The following AKR1E2 variants were observed in gnomAD, a reference collection of about 807,000 sequenced individuals.
AKR1E2 encodes 1,5-anhydro-D-fructose reductase.
Under a neutral mutation model 41.9 loss-of-function variants are expected in AKR1E2, and 43 were observed. That is an observed-to-expected ratio of 1.03 (90% confidence interval 0.80 to 1.32). AKR1E2 has a LOEUF of 1.32. Ranked by LOEUF, AKR1E2 falls within the 40% of genes most tolerant of loss-of-function variation. The probability of loss-of-function intolerance (pLI) is 0.00; values close to 1 mark genes in which losing one functional copy is unlikely to be tolerated. For missense variants in AKR1E2, 423 were observed against 396.5 expected (o/e 1.07, Z -0.57); for synonymous variants, 121 against 138.9 (o/e 0.87, Z 0.91).
At chr10:4,839,892 C>T in intron 6 of AKR1E2, 66 bp downstream of exon 6, 2 of 1,437,764 alleles carry the variant, frequency 1.4e-6, no homozygotes, top group Non-Finnish European at 9.8e-7. Flanking sequence ...CTTCTCATTT[C>T]CTTGGGATGA....
rs753885055 is a variant in AKR1E2, at chr10:4,839,747, C to A, written c.601C>A (p.Leu201Ile). The stretch of plus-strand genomic sequence containing the variant: ...GTTATAGATTGAGTGCCACCCATAT[C>A]TTACTCAGAAGAATCTGATCAGTTT... Reference protein sequence around the residue: ...LTNQIECHPYLTQKNLISFCQ... With the variant: ...LTNQIECHPYITQKNLISFCQ... The change falls in exon 6 of 10, where the codon CTT (leucine) becomes ATT (isoleucine). Residue 201 changes from leucine (L) to isoleucine (I), a missense_variant. Leu to Ile is a conservative substitution (Grantham distance 5). Transcript: ENST00000298375. The A allele has an allele frequency of 6.2e-7, 1 of 1,614,000 alleles. No homozygotes were observed. The highest frequency in any genetic ancestry group is 1.1e-5 in the South Asian group (1 of 91,064).
At chr10:4,831,129 T>A (rs1417347714) in intron 2 of AKR1E2, among the ~76,000 whole-genome samples, 2 of 152,228 alleles carry the variant, frequency 1.3e-5, no homozygotes, top group African/African-American at 4.8e-5. Context: ...TAGGACAAAG[T>A]CCTAGCCCTC....
At chr10:4,826,173 G>A (rs1176514930), upstream of AKR1E2, 10 of 543,686 alleles carry the variant, frequency 1.8e-5, no homozygotes, top group African/African-American at 1.9e-4. Context: ...GAAGCCCTGC[G>A]TTCATGCTTC....
the AKR1E2 span, among the ~76,000 whole-genome samples, chr10:4,856,915 T>TGAA: frequency 0.22 from 34,146 of 151,972 alleles, 4,038 homozygotes; most frequent in Middle Eastern, 0.34. Context: ...ATTCACATTG[T>TGAA]TGTGCAACCA....
At chr10:4,867,837 G>C in the AKR1E2 span, among the ~76,000 whole-genome samples, 4 of 152,150 alleles carry the variant, frequency 2.6e-5, no homozygotes, top group South Asian at 4.1e-4. Flanking sequence ...TTGTCAAAGC[G>C]AGAGGCAGCG....
chr10:4,852,568 T>C (rs918291463), downstream of AKR1E2, among the ~76,000 whole-genome samples: 17 of 124,414 alleles, frequency 1.4e-4, no homozygotes, highest in South Asian at 3.0e-4. Context: ...TTAAGTGGGA[T>C]TGAGTTGTGA....
intron 2 of AKR1E2, among the ~76,000 whole-genome samples, chr10:4,832,796 G>A (rs1205421668): frequency 1.3e-5 from 2 of 151,984 alleles, no homozygotes; most frequent in African/African-American, 4.8e-5. Flanking sequence ...GAGCCTTCAG[G>A]TTAGCTTATG....
At position 4,835,629 on chromosome 10, in the gene AKR1E2, T is replaced by G. The variant is rs1020553697; in HGVS notation, c.325-46T>G. The G allele has an allele frequency of 3.1e-6, 5 of 1,596,768 alleles. No homozygotes were observed. In the African/African-American group the frequency reaches 6.7e-5, roughly 22 times the overall value. ...TCTCCTGACACATGGTTTTTTTTGTTTTGTTTTGTTTTGTTTTCACACATC... is the reference window on the plus strand; with the variant it reads ...TCTCCTGACACATGGTTTTTTTTGTGTTGTTTTGTTTTGTTTTCACACATC... On this transcript the variant is annotated intron_variant, in intron 3 of 9. Coordinates refer to ENST00000298375, the MANE Select transcript of AKR1E2 (RefSeq NM_001040177.3).
intron 5 of AKR1E2, among the ~76,000 whole-genome samples, chr10:4,838,526 TA>T (rs1345330729): frequency 6.6e-6 from 1 of 152,132 alleles, no homozygotes; most frequent in Non-Finnish European, 1.5e-5. Flanking sequence ...ATATGCTTTT[TA>T]AAAAAGTTCT....
the AKR1E2 span, among the ~76,000 whole-genome samples, chr10:4,859,336 G>A: frequency 1.3e-5 from 2 of 152,204 alleles, no homozygotes; most frequent in African/African-American, 4.8e-5. Flanking sequence ...GAAACGTTGA[G>A]TGTGATATGT....
At chr10:4,853,514 G>T in the AKR1E2 span, among the ~76,000 whole-genome samples, 1 of 151,492 alleles carries the variant, frequency 6.6e-6, no homozygotes, top group Admixed American at 6.6e-5. Flanking sequence ...TGAGAACCAT[G>T]ACCCATGACA....
chr10:4,838,398 A>G (rs1412412808), intron 5 of AKR1E2, among the ~76,000 whole-genome samples: 1 of 152,210 alleles, frequency 6.6e-6, no homozygotes, highest in Non-Finnish European at 1.5e-5. Flanking sequence ...TTCTTGTGGT[A>G]TTCTGTTTTG....
chr10:4,827,964 T>C (rs1832677421), intron 1 of AKR1E2, among the ~76,000 whole-genome samples: 1 of 141,884 alleles, frequency 7.0e-6, no homozygotes, highest in South Asian at 2.2e-4. Context: ...CAAAATATTC[T>C]ATTTATTTTT....
At chr10:4,846,597 G>A (rs538884998) in intron 8 of AKR1E2, among the ~76,000 whole-genome samples, 2 of 151,528 alleles carry the variant, frequency 1.3e-5, no homozygotes, top group Admixed American at 1.3e-4. Context: ...CCAAGCTGGA[G>A]TGCAGTGGTG....
At chr10:4,835,167 A>G (rs35340010) in intron 3 of AKR1E2, among the ~76,000 whole-genome samples, 5,393 of 152,364 alleles carry the variant, frequency 0.035, 150 homozygotes, top group East Asian at 0.11. Flanking sequence ...CTTCTCTGAA[A>G]GATGACTTTA....
the AKR1E2 span, among the ~76,000 whole-genome samples, chr10:4,859,504 C>G: frequency 6.6e-6 from 1 of 152,182 alleles, no homozygotes; most frequent in African/African-American, 2.4e-5. Flanking sequence ...TGGAAGAACA[C>G]TATGGTCTTA....
At chr10:4,844,010 C>T (rs961883322) in intron 8 of AKR1E2, among the ~76,000 whole-genome samples, 1 of 152,242 alleles carries the variant, frequency 6.6e-6, no homozygotes, top group Non-Finnish European at 1.5e-5. Context: ...GAATTGAGCA[C>T]TGCTGACTGA....
At chr10:4,859,979 A>G in the AKR1E2 span, among the ~76,000 whole-genome samples, 2 of 152,204 alleles carry the variant, frequency 1.3e-5, no homozygotes, top group South Asian at 2.1e-4. Flanking sequence ...TTTGAAGAGT[A>G]GTGAGCCATC....
In AKR1E2 at chr10:4,847,655, G is replaced by C; in HGVS notation, c.*125G>C. On this transcript the variant is annotated 3_prime_UTR_variant, in exon 10 of 10. Transcript: ENST00000298375. Reference sequence around the variant, plus strand: ...TGGGACAGGAGCCACACAGTCAGAGGGGGATGTAAGAGCCACCTTCTCTGA... The same window carrying C: ...TGGGACAGGAGCCACACAGTCAGAGCGGGATGTAAGAGCCACCTTCTCTGA... 1 of 1,131,418 alleles carries C rather than the reference G, an allele frequency of 8.8e-7. No individual in the cohort carries two copies. Among genetic ancestry groups the C allele is most frequent in the South Asian group, 1.4e-5 (1 of 70,472 alleles). The allele number at this position is 1,131,418 out of a possible 1,614,324, so 70.1% of individuals were successfully genotyped here. A position where few individuals can be genotyped will look rare whatever the true frequency, so the allele number is the denominator to read the frequency against.
Sources: gnomAD v4.1 joint callset for allele counts (sites outside exome capture counted in the v4.1 genomes callset) on GRCh38, gnomAD v4.1.1 for gene constraint, MANE v1.5 for transcripts, NCBI Gene and HGNC (gene_info 2026-07-23, HGNC 2026-07-21) for gene names.